Variants in UGCG observed in about 807,000 individuals in gnomAD.
The protein encoded by UGCG is ceramide glucosyltransferase.
In UGCG, 10 loss-of-function variants were observed where a neutral mutation model predicts 49.5. The ratio of observed to expected loss-of-function variants is 0.20; its 90% CI spans 0.12 to 0.34. The LOEUF (loss-of-function observed/expected upper bound fraction) is 0.34, where lower values mean the gene tolerates loss of function less well. Among genes scored for constraint, UGCG ranks in the 10% least tolerant of loss-of-function variants. The pLI, the probability that UGCG is intolerant of heterozygous loss-of-function variation, is 1.00. For missense variants in UGCG, 312 were observed against 483.7 expected (o/e 0.65, Z 3.33); for synonymous variants, 182 against 158.2 (o/e 1.15, Z -1.13).
At chr9:111,905,058 CA>C (rs1183419244) in intron 1 of UGCG, among the ~76,000 whole-genome samples, 1 of 151,796 alleles carries the variant, frequency 6.6e-6, no homozygotes, top group Non-Finnish European at 1.5e-5. Flanking sequence ...GATTGTATCT[CA>C]AAAAAAACTA....
chr9:111,931,179 C>T lies in UGCG; in HGVS notation c.738-92C>T, dbSNP rs1838418231. On this transcript the variant is annotated intron_variant, in intron 6 of 8. Transcript: ENST00000374279. Reference sequence around the variant, plus strand: ...GGCTCACCCTGAATACCGGCAGTTGCCTGGTCTTTATAATGATTACTGAAT... The same window carrying T: ...GGCTCACCCTGAATACCGGCAGTTGTCTGGTCTTTATAATGATTACTGAAT... The T allele has an allele frequency of 4.0e-6, 5 of 1,254,562 alleles. 1 individual carries two copies. In the South Asian group the frequency reaches 6.7e-5, roughly 17 times the overall value. The allele number at this position is 1,254,562 out of a possible 1,614,324, so 77.7% of individuals were successfully genotyped here. A position where few individuals can be genotyped will look rare whatever the true frequency, so the allele number is the denominator to read the frequency against.
chr9:111,917,711 A>G (rs1192078392), intron 2 of UGCG, among the ~76,000 whole-genome samples: 1 of 152,210 alleles, frequency 6.6e-6, no homozygotes, highest in Non-Finnish European at 1.5e-5. Context: ...GTGAGACTAG[A>G]CTAGTTGCTC....
chr9:111,915,936 T>C, intron 2 of UGCG: 1 of 527,600 alleles, frequency 1.9e-6, no homozygotes, highest in Non-Finnish European at 2.4e-6. Context: ...TATTGGAAGC[T>C]GTTTTGAAGC....
intron 1 of UGCG, among the ~76,000 whole-genome samples, chr9:111,901,544 G>T (rs1355423446): frequency 6.6e-6 from 1 of 152,158 alleles, no homozygotes; most frequent in Non-Finnish European, 1.5e-5. Context: ...GGGCAGTGTG[G>T]GGAGGGAGAG....
intron 1 of UGCG, among the ~76,000 whole-genome samples, chr9:111,906,428 T>G (rs1345121665): frequency 6.6e-6 from 1 of 151,696 alleles, no homozygotes; most frequent in Non-Finnish European, 1.5e-5. Flanking sequence ...TGTGTGTGTT[T>G]TGTTTTGTTT....
chr9:111,898,210 G>A (rs889545303), intron 1 of UGCG, among the ~76,000 whole-genome samples: 3 of 151,882 alleles, frequency 2.0e-5, no homozygotes. Flanking sequence ...ACTGTTTAAG[G>A]TGAAATCTGC....
intron 2 of UGCG, among the ~76,000 whole-genome samples, chr9:111,916,829 A>G (rs1370598689): frequency 6.6e-6 from 1 of 151,704 alleles, no homozygotes; most frequent in African/African-American, 2.4e-5. Context: ...ATTTCTAATG[A>G]CCCCATAACT....
At chr9:111,916,738 T>C (rs536057044) in intron 2 of UGCG, among the ~76,000 whole-genome samples, 3 of 150,576 alleles carry the variant, frequency 2.0e-5, no homozygotes, top group African/African-American at 7.3e-5. Flanking sequence ...AGTGCTGGGA[T>C]TACAGACATG....
At chr9:111,932,079 G>A in intron 7 of UGCG, 91 bp from the exon 8 acceptor site, 1 of 1,346,548 alleles carries the variant, frequency 7.4e-7, no homozygotes, top group Non-Finnish European at 1.0e-6. Flanking sequence ...TCTATCACAG[G>A]GTAAAAAAAT....
Position 111,933,428 on chromosome 9 carries a change from A to ATGAC in UGCG, c.*433_*436dup, listed in dbSNP as rs1382185740. On this transcript the variant is annotated 3_prime_UTR_variant, in exon 9 of 9. Coordinates refer to ENST00000374279, the MANE Select transcript of UGCG (RefSeq NM_003358.3). ...TAGAGTTTAGAAGATAATAGAAGGA[A>ATGAC]TGACTATTCATGTCCAAAGTGAATG... 2.0e-5 allele frequency: 3 copies of ATGAC among 152,244 alleles called. No individual in the cohort carries two copies. The highest frequency in any genetic ancestry group is 4.4e-5 in the Non-Finnish European group (3 of 68,070). The allele number at this position is 152,244 out of a possible 1,614,324, so 9.4% of individuals were successfully genotyped here. A position where few individuals can be genotyped will look rare whatever the true frequency, so the allele number is the denominator to read the frequency against.
chr9:111,920,935 C>G (rs959860253), intron 2 of UGCG, among the ~76,000 whole-genome samples: 13 of 151,320 alleles, frequency 8.6e-5, no homozygotes, highest in African/African-American at 3.2e-4. Flanking sequence ...TGGAGTCTCG[C>G]TCTGTCGCCC....
intron 1 of UGCG, among the ~76,000 whole-genome samples, chr9:111,910,305 G>A (rs1233145296): frequency 6.6e-6 from 1 of 152,188 alleles, no homozygotes; most frequent in Non-Finnish European, 1.5e-5. Flanking sequence ...CTGCTACTTA[G>A]CCAGCACTTG....
intron 2 of UGCG, among the ~76,000 whole-genome samples, chr9:111,922,040 T>TA: frequency 6.6e-6 from 1 of 151,860 alleles, no homozygotes; most frequent in South Asian, 2.1e-4. Flanking sequence ...CTCGAGCACC[T>TA]AGGCTCTAGC....
At chr9:111,929,329 T>A (rs893380981) in intron 5 of UGCG, 171 bp from the exon 6 acceptor site, 3 of 566,374 alleles carry the variant, frequency 5.3e-6, no homozygotes, top group African/African-American at 3.9e-5. Flanking sequence ...TAACTGTGCT[T>A]GCTCTATGAA....
intron 5 of UGCG, among the ~76,000 whole-genome samples, chr9:111,928,646 C>A (rs1055845377): frequency 1.3e-5 from 2 of 152,164 alleles, no homozygotes; most frequent in African/African-American, 4.8e-5. Context: ...AGTCTGGGTT[C>A]AGGGTAGGTA....
chr9:111,920,860 TC>T (rs1241494281), intron 2 of UGCG, among the ~76,000 whole-genome samples: 1 of 152,116 alleles, frequency 6.6e-6, no homozygotes, highest in Non-Finnish European at 1.5e-5. Context: ...ATAATTAACC[TC>T]CCTTCTGTGC....
At chr9:111,930,132 T>G (rs62570271) in intron 6 of UGCG, among the ~76,000 whole-genome samples, 2,797 of 152,284 alleles carry the variant, frequency 0.018, 37 homozygotes, top group Non-Finnish European at 0.029. Context: ...AATAATTTTA[T>G]AGAGTAATTC....
intron 7 of UGCG, 189 bp from the exon 8 acceptor site, chr9:111,931,981 C>G (rs1480240774): frequency 3.3e-5 from 20 of 612,316 alleles, no homozygotes; most frequent in Admixed American, 1.2e-4. Flanking sequence ...GTGAGTGCCA[C>G]TGCACTCCAG....
intron 2 of UGCG, among the ~76,000 whole-genome samples, chr9:111,918,930 A>C (rs551015997): frequency 1.5e-4 from 20 of 135,320 alleles, no homozygotes; most frequent in South Asian, 4.5e-4. Flanking sequence ...GTCTCAAAAA[A>C]AAAAAACAAA....
Sources: gnomAD v4.1 joint callset for allele counts (sites outside exome capture counted in the v4.1 genomes callset) on GRCh38, gnomAD v4.1.1 for gene constraint, MANE v1.5 for transcripts, NCBI Gene and HGNC (gene_info 2026-07-23, HGNC 2026-07-21) for gene names.